SNTG2: variants seen among roughly 807,000 people sequenced by gnomAD.
SNTG2 encodes the protein gamma-2-syntrophin.
In SNTG2, 74 loss-of-function variants were observed where a neutral mutation model predicts 70.9. The ratio of observed to expected loss-of-function variants is 1.04; its 90% confidence interval spans 0.86 to 1.27. The LOEUF (loss-of-function observed/expected upper bound fraction) is 1.27, where lower values mean the gene tolerates loss of function less well. SNTG2 is among the 50% of genes most tolerant of loss of function. The probability of loss-of-function intolerance (pLI) is 0.00; values close to 1 mark genes in which losing one functional copy is unlikely to be tolerated. For synonymous variants in SNTG2, 278 were observed against 273.8 expected, an observed-to-expected ratio of 1.02 and a Z score of -0.15; for missense variants, 717 against 690.7, an observed-to-expected ratio of 1.04 and a Z score of -0.43.
At chr2:1,047,619 G>T (rs1214118347) in intron 1 of SNTG2, among the ~76,000 whole-genome samples, 1 of 152,182 alleles carries the variant, frequency 6.6e-6, no homozygotes, top group East Asian at 1.9e-4. Context: ...GTTTCACATG[G>T]GAGTAAATTC....
At chr2:1,232,590 G>A (rs916157300) in intron 9 of SNTG2, among the ~76,000 whole-genome samples, 7 of 152,144 alleles carry the variant, frequency 4.6e-5, no homozygotes, top group Non-Finnish European at 5.9e-5. Flanking sequence ...GAGCCACCAT[G>A]CCCAGCCCAC....
At chr2:1,170,298 C>G (rs1334255129) in intron 7 of SNTG2, among the ~76,000 whole-genome samples, 2 of 152,220 alleles carry the variant, frequency 1.3e-5, no homozygotes, top group East Asian at 3.9e-4. Flanking sequence ...AAATATTTCA[C>G]TACGTTGTAG....
intron 6 of SNTG2, chr2:1,163,659 A>T (rs1350700406): frequency 6.6e-6 from 1 of 152,422 alleles, no homozygotes. Context: ...GAAAATGCTC[A>T]GTGGCATTAC....
chr2:1,150,184 CTGG>C (rs1669387618), intron 6 of SNTG2, among the ~76,000 whole-genome samples: 1 of 152,146 alleles, frequency 6.6e-6, no homozygotes, highest in African/African-American at 2.4e-5. Flanking sequence ...AAGGGAATCC[CTGG>C]TGGAGGTCTG....
intron 16 of SNTG2, chr2:1,341,764 C>T (rs1660102985): frequency 6.6e-6 from 1 of 152,122 alleles, no homozygotes; most frequent in African/African-American, 2.4e-5. Context: ...CTTCTGGGGC[C>T]CTCAGCACAT....
chr2:1,145,490 T>C (rs1283826843), intron 6 of SNTG2, among the ~76,000 whole-genome samples: 1 of 152,194 alleles, frequency 6.6e-6, no homozygotes, highest in Non-Finnish European at 1.5e-5. Flanking sequence ...AAAAACACAA[T>C]CTGCAAAAAC....
intron 1 of SNTG2, among the ~76,000 whole-genome samples, chr2:973,006 A>G (rs1426826544): frequency 6.6e-6 from 1 of 150,954 alleles, no homozygotes; most frequent in Non-Finnish European, 1.5e-5. Context: ...ACATTTACAT[A>G]TATTTCTTAC....
At position 1,243,296 on chromosome 2, in the gene SNTG2, G is replaced by T. The variant is rs537081008; in HGVS notation, c.888+3520G>T. 1.7e-4 allele frequency among the ~76,000 whole-genome samples: 26 copies of T among 152,290 alleles called. 1 individual carries two copies. The highest frequency in any genetic ancestry group is 8.8e-5 in the Non-Finnish European group (6 of 68,028). On this transcript the variant is annotated intron_variant, in intron 11 of 16. Transcript: ENST00000308624. Reference sequence around the variant, plus strand: ...AGAGCCCAACACTGTCCCAGCCCAGGGGGAAGAAAGAGCAAGCAGCCCTGG... The same window carrying T: ...AGAGCCCAACACTGTCCCAGCCCAGTGGGAAGAAAGAGCAAGCAGCCCTGG...
At chr2:1,317,856 C>T (rs1403785276) in intron 16 of SNTG2, among the ~76,000 whole-genome samples, 2 of 152,148 alleles carry the variant, frequency 1.3e-5, no homozygotes, top group African/African-American at 2.4e-5. Context: ...GTTAGAGAGA[C>T]GTTTATATCC....
chr2:1,137,370 T>G (rs1668457816), intron 4 of SNTG2, among the ~76,000 whole-genome samples: 1 of 147,296 alleles, frequency 6.8e-6, no homozygotes, highest in African/African-American at 2.6e-5. Context: ...CATGCACATA[T>G]CAACAGATCC....
chr2:1,023,669 C>T (rs964863273), intron 1 of SNTG2, among the ~76,000 whole-genome samples: 3 of 152,330 alleles, frequency 2.0e-5, no homozygotes, highest in South Asian at 2.1e-4. Context: ...AGGACACTCG[C>T]GTTGCCCAGC....
rs565911586 is a variant in SNTG2 at position 1,285,945 on chromosome 2, C to A, written c.1284+18374C>A. Among the ~76,000 whole-genome samples the A allele has an allele frequency of 4.6e-5, 7 of 152,312 alleles. No individual in the cohort carries two copies. The East Asian group carries it at 9.7e-4, about 21-fold the overall frequency. On this transcript the variant is annotated intron_variant, in intron 14 of 16. Coordinates refer to ENST00000308624, the MANE Select transcript of SNTG2 (RefSeq NM_018968.4). ...CTGAATGGAGCTCCTGCATTCCTTG[C>A]GTACTCTTCCTTACCTCTGTTGTGG...
At chr2:1,239,809 C>T in intron 11 of SNTG2, 33 bp downstream of exon 11, 2 of 1,602,138 alleles carry the variant, frequency 1.2e-6, no homozygotes, top group Non-Finnish European at 1.7e-6. Flanking sequence ...CATGATGTAA[C>T]ACATCAGGTA....
chr2:1,311,988 G>A (rs1681015604), intron 15 of SNTG2, among the ~76,000 whole-genome samples: 2 of 152,064 alleles, frequency 1.3e-5, no homozygotes, highest in African/African-American at 4.8e-5. Context: ...CTCCTTCGAA[G>A]CCTGTGTGTG....
At chr2:1,262,738 CGGAAGG>C (rs1678499705) in intron 13 of SNTG2, 1 of 150,366 alleles carries the variant, frequency 6.7e-6, no homozygotes, top group Non-Finnish European at 1.5e-5. Context: ...ACGAGGCAAC[CGGAAGG>C]CTCCGTGCAG....
At chr2:1,212,831 G>T (rs1043521587) in intron 9 of SNTG2, among the ~76,000 whole-genome samples, 1 of 152,140 alleles carries the variant, frequency 6.6e-6, no homozygotes, top group Non-Finnish European at 1.5e-5. Context: ...AAATTCCTGT[G>T]TATCTTCTCC....
rs143452059 is a variant in SNTG2 at position 1,041,171 on chromosome 2, G to A, written c.73-42347G>A. ...GTGTGTGCTGCAGACACCTTCACCT[G>A]CAGTTTTGTTTGTGTTGCTCTCAGT... On this transcript the variant is annotated intron_variant, in intron 1 of 16. Coordinates refer to ENST00000308624, the MANE Select transcript of SNTG2 (RefSeq NM_018968.4). 1.6e-4 allele frequency among the ~76,000 whole-genome samples: 24 copies of A among 152,268 alleles called. No homozygotes were observed. In the East Asian group the frequency reaches 2.7e-3, roughly 17 times the overall value.
intron 14 of SNTG2, among the ~76,000 whole-genome samples, chr2:1,301,499 A>T (rs1374355704): frequency 6.6e-6 from 1 of 152,210 alleles, no homozygotes; most frequent in Non-Finnish European, 1.5e-5. Flanking sequence ...AACAAACTCT[A>T]AACAGAATAA....
At chr2:1,039,420 G>A (rs938945648) in intron 1 of SNTG2, among the ~76,000 whole-genome samples, 4 of 152,070 alleles carry the variant, frequency 2.6e-5, no homozygotes, top group Non-Finnish European at 5.9e-5. Flanking sequence ...ATGCCATTTT[G>A]TTAAAAAGTC....
Sources: gnomAD v4.1 joint callset for allele counts (sites outside exome capture counted in the v4.1 genomes callset) on GRCh38, gnomAD v4.1.1 for gene constraint, MANE v1.5 for transcripts, NCBI Gene and HGNC (gene_info 2026-07-23, HGNC 2026-07-21) for gene names.